The following PRTFDC1 variants were observed in gnomAD, a reference collection of about 807,000 sequenced individuals.
The protein encoded by PRTFDC1 is phosphoribosyl transferase domain containing 1, also known as phosphoribosyltransferase domain-containing protein 1.
A neutral mutation model predicts 34.6 loss-of-function variants in PRTFDC1; 38 were observed. That is an observed-to-expected ratio of 1.10 (90% confidence interval 0.85 to 1.44). The LOEUF is 1.44. PRTFDC1 is among the 40% of genes most tolerant of loss of function. PRTFDC1 has a pLI of 0.00. For synonymous variants in PRTFDC1, 93 were observed against 98.1 expected, an observed-to-expected ratio of 0.95 and a Z score of 0.31; for missense variants, 270 against 283.0, an observed-to-expected ratio of 0.95 and a Z score of 0.33.
chr10:24,859,510 T>C (rs1053772550), intron 4 of PRTFDC1, among the ~76,000 whole-genome samples: 3 of 152,208 alleles, frequency 2.0e-5, no homozygotes, highest in Non-Finnish European at 4.4e-5. Context: ...CCTTCCAAAG[T>C]GCTGGAATTA....
At chr10:24,850,376 A>G (rs1847463761) in intron 8 of PRTFDC1, among the ~76,000 whole-genome samples, 1 of 152,178 alleles carries the variant, frequency 6.6e-6, no homozygotes, top group Non-Finnish European at 1.5e-5. Flanking sequence ...CCCTGTCTGT[A>G]ATCCCAGTAC....
At chr10:24,866,894 AAG>A (rs923102804) in intron 4 of PRTFDC1, among the ~76,000 whole-genome samples, 1 of 151,900 alleles carries the variant, frequency 6.6e-6, no homozygotes, top group Non-Finnish European at 1.5e-5. Flanking sequence ...GAGAGAAAGG[AAG>A]AGAGAAAGAA....
At chr10:24,941,062 T>TGTGTG (rs1564320103) in intron 2 of PRTFDC1, among the ~76,000 whole-genome samples, 139 of 145,226 alleles carry the variant, frequency 9.6e-4, no homozygotes, top group African/African-American at 3.4e-3. Context: ...GTGTGTGTGT[T>TGTGTG]TGTGTGTTTG....
intron 3 of PRTFDC1, among the ~76,000 whole-genome samples, chr10:24,873,998 C>T (rs963589572): frequency 2.6e-5 from 4 of 151,346 alleles, no homozygotes; most frequent in South Asian, 4.2e-4. Context: ...GCCTCAAACT[C>T]CTGGGCTCAA....
chr10:24,859,212 G>T (rs2104488), intron 4 of PRTFDC1, among the ~76,000 whole-genome samples: 5,565 of 152,132 alleles, frequency 0.037, 322 homozygotes, highest in African/African-American at 0.12. Flanking sequence ...TCTTTCTCTT[G>T]CTCCATATCT....
chr10:24,913,902 T>A (rs1196263092), intron 3 of PRTFDC1, among the ~76,000 whole-genome samples: 1 of 152,230 alleles, frequency 6.6e-6, no homozygotes, highest in Admixed American at 6.5e-5. Flanking sequence ...TGGAGATTTT[T>A]AAATTCAGGG....
chr10:24,859,815 C>T (rs778429262), intron 4 of PRTFDC1, among the ~76,000 whole-genome samples: 8 of 152,174 alleles, frequency 5.3e-5, no homozygotes, highest in Admixed American at 2.6e-4. Flanking sequence ...TGATTCCTAC[C>T]GCATTGCCAG....
chr10:24,880,947 CTTCCTTCTTCTTTCT>C (rs1195112319), intron 3 of PRTFDC1, among the ~76,000 whole-genome samples: 1 of 143,788 alleles, frequency 7.0e-6, no homozygotes, highest in Non-Finnish European at 1.5e-5. Context: ...TCTTTCTTTC[CTTCCTTCTTCTTTCT>C]TTCTTTCCTT....
chr10:24,934,300 T>C (rs1341940715), intron 3 of PRTFDC1, among the ~76,000 whole-genome samples: 2 of 152,010 alleles, frequency 1.3e-5, no homozygotes, highest in Non-Finnish European at 2.9e-5. Flanking sequence ...GAAGAAGAAC[T>C]GATACTGTAA....
At chr10:24,890,743 C>T in intron 3 of PRTFDC1, among the ~76,000 whole-genome samples, 1 of 152,158 alleles carries the variant, frequency 6.6e-6, no homozygotes, top group East Asian at 1.9e-4. Flanking sequence ...AGTTAAAGGC[C>T]AGAAGCAGGT....
rs146652868 is a variant in PRTFDC1 at position 24,950,301 on chromosome 10, T to A, written c.48+2227A>T. Among the ~76,000 whole-genome samples the A allele has an allele frequency of 1.1e-4, 17 of 152,256 alleles. No homozygotes were observed. The East Asian group carries it at 3.3e-3, about 29-fold the overall frequency. Reference sequence around the variant, plus strand: ...ATCAGATGCGTTTCCAATTTCAGATTTTTTTTCCTTTGGATTTTGGAATAT... The same window carrying A: ...ATCAGATGCGTTTCCAATTTCAGATATTTTTTCCTTTGGATTTTGGAATAT... On this transcript the variant is annotated intron_variant, in intron 1 of 8. Coordinates refer to ENST00000320152, the MANE Select transcript of PRTFDC1 (RefSeq NM_020200.7).
At chr10:24,861,112 G>C (rs767736741) in intron 4 of PRTFDC1, among the ~76,000 whole-genome samples, 11 of 152,140 alleles carry the variant, frequency 7.2e-5, no homozygotes, top group Non-Finnish European at 1.3e-4. Flanking sequence ...GTGGGAAGTA[G>C]GATTTGGATG....
intron 8 of PRTFDC1, among the ~76,000 whole-genome samples, chr10:24,850,538 G>T (rs753904265): frequency 6.6e-6 from 1 of 152,104 alleles, no homozygotes; most frequent in African/African-American, 2.4e-5. Context: ...AGGCTGAGGC[G>T]GGAGGATCGC....
chr10:24,946,465 A>G (rs765336900), intron 1 of PRTFDC1, among the ~76,000 whole-genome samples: 47 of 152,300 alleles, frequency 3.1e-4, no homozygotes, highest in Non-Finnish European at 5.4e-4. Context: ...AGAAAATCAC[A>G]AATGAAACAA....
At chr10:24,942,227 A>G in intron 2 of PRTFDC1, 103 bp downstream of exon 2, 1 of 906,248 alleles carries the variant, frequency 1.1e-6, no homozygotes, top group Non-Finnish European at 1.8e-6. Context: ...CTACCACTAT[A>G]AAACGCAGCT....
At chr10:24,856,233 C>T (rs1291479710) in intron 6 of PRTFDC1, among the ~76,000 whole-genome samples, 2 of 151,616 alleles carry the variant, frequency 1.3e-5, no homozygotes, top group African/African-American at 4.8e-5. Flanking sequence ...CACACTACTG[C>T]CCTCCAGCTT....
At chr10:24,855,472 G>A (rs1847557229) in intron 6 of PRTFDC1, 108 bp from the exon 7 acceptor site, 2 of 1,325,756 alleles carry the variant, frequency 1.5e-6, no homozygotes, top group Non-Finnish European at 2.1e-6. Flanking sequence ...TTTTGCTACT[G>A]TGGCACTATA....
chr10:24,932,018 A>G (rs539448134), intron 3 of PRTFDC1, among the ~76,000 whole-genome samples: 2 of 151,986 alleles, frequency 1.3e-5, no homozygotes, highest in Non-Finnish European at 2.9e-5. Context: ...GAAAAGGATA[A>G]TATGTCATTA....
chr10:24,946,463 A>G (rs1282150679), intron 1 of PRTFDC1, among the ~76,000 whole-genome samples: 1 of 152,212 alleles, frequency 6.6e-6, no homozygotes, highest in African/African-American at 2.4e-5. Flanking sequence ...TAAGAAAATC[A>G]CAAATGAAAC....
Sources: allele counts gnomAD v4.1 joint callset (sites outside exome capture counted in the v4.1 genomes callset), GRCh38; gene constraint gnomAD v4.1.1; transcripts MANE v1.5; gene names NCBI Gene and HGNC (gene_info 2026-07-23, HGNC 2026-07-21).